RARB: variants seen among roughly 807,000 people sequenced by gnomAD.
RARB encodes retinoic acid receptor beta.
RARB carries 17 observed loss-of-function variants against 51.9 expected under a neutral mutation model. The ratio of observed to expected loss-of-function variants is 0.33; its 90% CI spans 0.22 to 0.49. The LOEUF (loss-of-function observed/expected upper bound fraction) is 0.49. RARB is among the 20% of genes least tolerant of loss of function. The pLI, the probability that RARB is intolerant of heterozygous loss-of-function variation, is 0.99. For missense variants in RARB, 369 were observed against 550.8 expected (o/e 0.67, Z 3.30); for synonymous variants, 215 against 195.4 (o/e 1.10, Z -0.84).
chr3:25,514,469 C>T (rs560147170), intron 3 of RARB, among the ~76,000 whole-genome samples: 11 of 151,796 alleles, frequency 7.2e-5, no homozygotes, highest in South Asian at 6.2e-4. Flanking sequence ...TTGATTGTTC[C>T]GACACTTCAT....
chr3:25,093,087 C>G (rs1269080674), intron 3 of RARB, among the ~76,000 whole-genome samples: 2 of 152,134 alleles, frequency 1.3e-5, no homozygotes, highest in African/African-American at 4.8e-5. Context: ...ATCTCATGCT[C>G]TGGTACAGGT....
chr3:25,393,294 A>AT (rs113158928), intron 5 of RARB, among the ~76,000 whole-genome samples: 2,671 of 148,360 alleles, frequency 0.018, 73 homozygotes, highest in African/African-American at 0.061. Context: ...GTTAGCTAGT[A>AT]TTTTTTTTTT....
chr3:25,569,121 C>T (rs191324692), intron 3 of RARB, among the ~76,000 whole-genome samples: 15 of 152,304 alleles, frequency 9.8e-5, no homozygotes, highest in Non-Finnish European at 1.5e-4. Context: ...GAATGGTTTT[C>T]CAGGCTGAAG....
intron 2 of RARB, among the ~76,000 whole-genome samples, chr3:25,010,044 T>G (rs1697360354): frequency 6.6e-6 from 1 of 152,272 alleles, no homozygotes; most frequent in Non-Finnish European, 1.5e-5. Flanking sequence ...CTTTGACTGA[T>G]TGTTTATTAT....
At chr3:25,383,124 C>G (rs1488891264) in intron 5 of RARB, among the ~76,000 whole-genome samples, 2 of 152,116 alleles carry the variant, frequency 1.3e-5, no homozygotes. Context: ...GATGTTATAC[C>G]TTTATATTTA....
At chr3:25,009,204 T>A (rs907573281) in intron 2 of RARB, among the ~76,000 whole-genome samples, 1 of 152,066 alleles carries the variant, frequency 6.6e-6, no homozygotes, top group Non-Finnish European at 1.5e-5. Context: ...TCTCCCAAAT[T>A]CTATGACTCT....
intron 3 of RARB, among the ~76,000 whole-genome samples, chr3:25,506,756 G>A (rs547214202): frequency 6.6e-6 from 1 of 152,386 alleles, no homozygotes; most frequent in South Asian, 2.1e-4. Context: ...GAAGGGCTAG[G>A]TTTGGCCCAC....
chr3:25,108,400 A>C (rs775206175), intron 3 of RARB, among the ~76,000 whole-genome samples: 3 of 152,218 alleles, frequency 2.0e-5, no homozygotes, highest in Non-Finnish European at 2.9e-5. Flanking sequence ...TGATTCAGCT[A>C]TCCGGGCTTT....
chr3:25,586,209 A>G (rs1461341264), intron 5 of RARB, among the ~76,000 whole-genome samples: 2 of 152,022 alleles, frequency 1.3e-5, no homozygotes, highest in Non-Finnish European at 2.9e-5. Context: ...TTCCTGGCCT[A>G]TTCCTCATCT....
chr3:25,039,424 A>T (rs116474509), intron 2 of RARB, among the ~76,000 whole-genome samples: 123 of 152,308 alleles, frequency 8.1e-4, no homozygotes, highest in African/African-American at 2.7e-3. Context: ...GGTTCAAATG[A>T]TGTGTTCAGT....
intron 2 of RARB, among the ~76,000 whole-genome samples, chr3:25,050,790 T>C (rs1698317535): frequency 6.6e-6 from 1 of 152,372 alleles, no homozygotes; most frequent in African/African-American, 2.4e-5. Context: ...TTAATCAATA[T>C]TCAACACTTA....
chr3:25,588,254 C>T (rs1326644791), intron 5 of RARB, among the ~76,000 whole-genome samples: 1 of 152,156 alleles, frequency 6.6e-6, no homozygotes, highest in Non-Finnish European at 1.5e-5. Context: ...AAAGCGGACA[C>T]AAAAGAGAAT....
chr3:25,163,159 G>C (rs915858893), intron 4 of RARB, among the ~76,000 whole-genome samples: 2 of 152,112 alleles, frequency 1.3e-5, no homozygotes, highest in African/African-American at 4.8e-5. Context: ...TTAGAGTCCA[G>C]TCAAATCTGG....
intron 1 of RARB, among the ~76,000 whole-genome samples, chr3:25,439,718 T>C (rs1338715452): frequency 6.6e-6 from 1 of 152,206 alleles, no homozygotes; most frequent in Non-Finnish European, 1.5e-5. Flanking sequence ...TTAAATGGAA[T>C]GTATTCTGTA....
At chr3:25,323,184 G>C (rs1430575190) in intron 5 of RARB, among the ~76,000 whole-genome samples, 1 of 152,202 alleles carries the variant, frequency 6.6e-6, no homozygotes, top group East Asian at 1.9e-4. Context: ...TGTGATCTCT[G>C]AAGCTCTGGG....
intron 2 of RARB, among the ~76,000 whole-genome samples, chr3:24,944,264 C>T (rs921064105): frequency 2.0e-5 from 3 of 152,160 alleles, no homozygotes; most frequent in East Asian, 1.9e-4. Context: ...AGACATTGAT[C>T]CCCTTGGGGA....
intron 5 of RARB, among the ~76,000 whole-genome samples, chr3:25,189,582 G>C (rs1391627482): frequency 6.6e-6 from 1 of 151,984 alleles, no homozygotes; most frequent in African/African-American, 2.4e-5. Flanking sequence ...TTAGACCCTG[G>C]AGTCAGAAAA....
Position 24,990,610 on chromosome 3 carries a change from G to A in RARB, c.-379-69515G>A, listed in dbSNP as rs1333881811. On this transcript the variant is annotated intron_variant, in intron 2 of 11. Transcript: ENST00000383772. Reference sequence around the variant, plus strand: ...TTAAATGAATACATAGTTTTATTCTGCAACCTACATTCCATTCTATTTTGT... The same window carrying A: ...TTAAATGAATACATAGTTTTATTCTACAACCTACATTCCATTCTATTTTGT... Among the ~76,000 whole-genome samples, 2 of 106,988 alleles carry A rather than the reference G, an allele frequency of 1.9e-5. 1 individual carries two copies. Among genetic ancestry groups the A allele is most frequent in the Non-Finnish European group, 3.8e-5 (2 of 53,086 alleles). The allele number at this position is 106,988 out of a possible 152,430, so 70.2% of individuals were successfully genotyped here.
At chr3:25,239,633 G>A (rs1253243993) in intron 5 of RARB, among the ~76,000 whole-genome samples, 1 of 152,014 alleles carries the variant, frequency 6.6e-6, no homozygotes, top group Non-Finnish European at 1.5e-5. Flanking sequence ...TTATTTCTGG[G>A]TCCTCTATTC....
Sources: gnomAD v4.1 joint callset for allele counts (sites outside exome capture counted in the v4.1 genomes callset) on GRCh38, gnomAD v4.1.1 for gene constraint, MANE v1.5 for transcripts, NCBI Gene and HGNC (gene_info 2026-07-23, HGNC 2026-07-21) for gene names.